The following HCN1 variants were observed in gnomAD, a reference collection of about 807,000 sequenced individuals.
The protein encoded by HCN1 is potassium/sodium hyperpolarization-activated cyclic nucleotide-gated channel 1.
HCN1 carries 13 observed loss-of-function variants against 78.9 expected under a neutral mutation model. The ratio of observed to expected loss-of-function variants is 0.16; its 90% CI spans 0.11 to 0.26. The LOEUF (loss-of-function observed/expected upper bound fraction) is 0.26, where lower values mean the gene tolerates loss of function less well. Among genes scored for constraint, HCN1 ranks in the 10% least tolerant of loss-of-function variants. The pLI is 1.00. For missense variants in HCN1, 810 were observed against 1,154.3 expected, an observed-to-expected ratio of 0.70 and a Z score of 4.32; for synonymous variants, 552 against 455.5, an observed-to-expected ratio of 1.21 and a Z score of -2.70.
intron 4 of HCN1, among the ~76,000 whole-genome samples, chr5:45,394,910 A>G (rs999225456): frequency 1.3e-4 from 20 of 152,196 alleles, no homozygotes; most frequent in Admixed American, 1.1e-3. Flanking sequence ...CTTGTCCTCT[A>G]TCAAACACTT....
intron 2 of HCN1, among the ~76,000 whole-genome samples, chr5:45,571,721 C>T (rs1743840444): frequency 6.6e-6 from 1 of 152,012 alleles, no homozygotes; most frequent in South Asian, 2.1e-4. Flanking sequence ...TTGAGACGAG[C>T]CTGACTAACA....
At chr5:45,522,659 A>G (rs956402612) in intron 2 of HCN1, among the ~76,000 whole-genome samples, 4 of 148,226 alleles carry the variant, frequency 2.7e-5, no homozygotes, top group African/African-American at 1.0e-4. Context: ...TTTATTTTGC[A>G]CTAATAAAAC....
intron 4 of HCN1, among the ~76,000 whole-genome samples, chr5:45,374,047 T>A (rs182621001): frequency 0.044 from 4,228 of 95,778 alleles, 382 homozygotes; most frequent in African/African-American, 0.17. Context: ...TAATATATAT[T>A]ATATATATTA....
chr5:45,617,875 G>C (rs1744984515), intron 2 of HCN1, among the ~76,000 whole-genome samples: 2 of 152,002 alleles, frequency 1.3e-5, no homozygotes, highest in South Asian at 4.1e-4. Flanking sequence ...ATTCCAATGA[G>C]ACTATAGCTT....
chr5:45,549,798 C>T (rs1381917258), intron 2 of HCN1, among the ~76,000 whole-genome samples: 1 of 151,992 alleles, frequency 6.6e-6, no homozygotes, highest in Admixed American at 6.6e-5. Flanking sequence ...AACAAATTTA[C>T]AAGAAAAAAG....
intron 2 of HCN1, among the ~76,000 whole-genome samples, chr5:45,524,028 A>G (rs370929047): frequency 6.6e-6 from 1 of 152,014 alleles, no homozygotes. Flanking sequence ...ATCTTGAATT[A>G]ATTTTTGTAT....
chr5:45,368,415 T>C, intron 4 of HCN1, among the ~76,000 whole-genome samples: 1 of 152,024 alleles, frequency 6.6e-6, no homozygotes, highest in Non-Finnish European at 1.5e-5. Flanking sequence ...ATGAGTTATA[T>C]ACATTTAAAT....
chr5:45,571,301 G>C (rs1561205324), intron 2 of HCN1, among the ~76,000 whole-genome samples: 1 of 152,094 alleles, frequency 6.6e-6, no homozygotes, highest in Admixed American at 6.6e-5. Flanking sequence ...GTAAAATTGG[G>C]TATGTAGGGT....
In HCN1 at chr5:45,366,180, G is replaced by T. The variant is rs530944233; in HGVS notation, c.1231-12934C>A. ...TTATAGCATTTGTGTGTGTGTGTGTGTGTGTGTGTGTATGTGTGTACATTC... is the reference window on the plus strand; with the variant it reads ...TTATAGCATTTGTGTGTGTGTGTGTTTGTGTGTGTGTATGTGTGTACATTC... On this transcript the variant is annotated intron_variant, in intron 4 of 7. Transcript: ENST00000303230. Among the ~76,000 whole-genome samples the T allele has an allele frequency of 2.6e-5, 4 of 151,590 alleles. No homozygotes were observed. The South Asian group carries it at 8.3e-4, about 32-fold the overall frequency.
intron 5 of HCN1, among the ~76,000 whole-genome samples, chr5:45,342,562 A>G (rs1746609274): frequency 6.6e-6 from 1 of 152,110 alleles, no homozygotes; most frequent in Non-Finnish European, 1.5e-5. Context: ...TTTTAACAAA[A>G]TATAAAAAAT....
intron 7 of HCN1, among the ~76,000 whole-genome samples, chr5:45,266,640 T>TA (rs1461142068): frequency 6.6e-6 from 1 of 151,172 alleles, no homozygotes; most frequent in Admixed American, 6.6e-5. Flanking sequence ...TCTCAAGAAA[T>TA]ACGGCTACAG....
At position 45,258,449 on chromosome 5, in the gene HCN1, AAGAGGTC is replaced by A. The variant is rs1265210302; in HGVS notation, c.*3465_*3471del. On this transcript the variant is annotated 3_prime_UTR_variant, in exon 8 of 8. Coordinates refer to ENST00000303230, the MANE Select transcript of HCN1 (RefSeq NM_021072.4). Reference sequence around the variant, plus strand: ...TTCATCAGGGAATTGTTCACTTATGAAGAGGTCATCCAGACCTGGAGACAAGCTACTT... The same window carrying A: ...TTCATCAGGGAATTGTTCACTTATGAATCCAGACCTGGAGACAAGCTACTT... 4.6e-5 allele frequency: 7 copies of A among 152,182 alleles called. No individual in the cohort carries two copies. The highest frequency in any genetic ancestry group is 1.7e-4 in the African/African-American group (7 of 41,458). 9.4% of individuals were successfully genotyped at this position (152,182 alleles called of 1,614,324 possible).
At chr5:45,576,631 T>A (rs1743952903) in intron 2 of HCN1, 1 of 152,140 alleles carries the variant, frequency 6.6e-6, no homozygotes, top group African/African-American at 2.4e-5. Flanking sequence ...GTTAGCATAC[T>A]TTAGCAATAA....
At chr5:45,494,945 T>C (rs1445100288) in intron 2 of HCN1, among the ~76,000 whole-genome samples, 1 of 148,208 alleles carries the variant, frequency 6.7e-6, no homozygotes, top group Non-Finnish European at 1.5e-5. Flanking sequence ...CTCTGTTCTG[T>C]TCCATTGATC....
intron 5 of HCN1, among the ~76,000 whole-genome samples, chr5:45,344,713 G>A (rs1746660535): frequency 6.6e-6 from 1 of 152,196 alleles, no homozygotes; most frequent in Non-Finnish European, 1.5e-5. Context: ...GATGCAAGAG[G>A]TGGGCTCGCA....
intron 2 of HCN1, among the ~76,000 whole-genome samples, chr5:45,494,786 A>T (rs1384167476): frequency 6.6e-6 from 1 of 152,198 alleles, no homozygotes; most frequent in African/African-American, 2.4e-5. Flanking sequence ...CTAAGGTGTA[A>T]GGAAGGGATC....
intron 4 of HCN1, among the ~76,000 whole-genome samples, chr5:45,372,911 T>C (rs1019823605): frequency 7.0e-6 from 1 of 142,130 alleles, no homozygotes; most frequent in Non-Finnish European, 1.5e-5. Context: ...ATTCTATACA[T>C]AAAAATATAC....
At chr5:45,419,769 G>A (rs187771416) in intron 3 of HCN1, among the ~76,000 whole-genome samples, 37 of 152,298 alleles carry the variant, frequency 2.4e-4, no homozygotes, top group Admixed American at 6.5e-4. Context: ...TGTCAATGCA[G>A]TCCTGTCTAC....
intron 3 of HCN1, among the ~76,000 whole-genome samples, chr5:45,408,893 G>C (rs1301243626): frequency 6.6e-6 from 1 of 152,072 alleles, no homozygotes; most frequent in East Asian, 1.9e-4. Context: ...AAACAAAGTA[G>C]CTGCCTAATG....
Sources: allele counts gnomAD v4.1 joint callset (sites outside exome capture counted in the v4.1 genomes callset), GRCh38; gene constraint gnomAD v4.1.1; transcripts MANE v1.5; gene names NCBI Gene and HGNC (gene_info 2026-07-23, HGNC 2026-07-21).